The following ATP6V0E1 variants were observed in gnomAD, a reference collection of about 807,000 sequenced individuals.
ATP6V0E1 encodes ATPase H+ transporting V0 subunit e1.
Under a neutral mutation model 11.6 loss-of-function variants are expected in ATP6V0E1, and 4 were observed. The ratio of observed to expected loss-of-function variants is 0.35; its 90% confidence interval spans 0.17 to 0.79. The LOEUF is 0.79. Ranked by LOEUF, ATP6V0E1 falls within the 30% of genes least tolerant of loss-of-function variation. The pLI is 0.54. For missense variants in ATP6V0E1, 105 were observed against 100.0 expected (o/e 1.05, Z -0.21); for synonymous variants, 36 against 34.8 (o/e 1.04, Z -0.13).
chr5:172,992,090 G>A (rs895363823), intron 1 of ATP6V0E1, among the ~76,000 whole-genome samples: 1 of 148,794 alleles, frequency 6.7e-6, no homozygotes, highest in Non-Finnish European at 1.5e-5. Flanking sequence ...TCGCTCTGTC[G>A]CCCAGGCTGG....
At chr5:172,986,977 G>GTGTCACTTAACAAAA (rs1755906990) in intron 1 of ATP6V0E1, 2 of 246,462 alleles carry the variant, frequency 8.1e-6, no homozygotes, top group Admixed American at 5.3e-5. Context: ...TAGTAGAGAC[G>GTGTCACTTAACAAAA]GGATTTCACC....
At chr5:173,020,124 T>A in intron 2 of ATP6V0E1, 114 bp from the exon 3 acceptor site, 1 of 773,176 alleles carries the variant, frequency 1.3e-6, no homozygotes, top group Admixed American at 2.2e-5. Context: ...GAAAGTTTGG[T>A]GTGAATGCAG....
At chr5:172,999,592 G>A (rs1756121696) in intron 2 of ATP6V0E1, among the ~76,000 whole-genome samples, 1 of 152,226 alleles carries the variant, frequency 6.6e-6, no homozygotes, top group South Asian at 2.1e-4. Flanking sequence ...CTTCCAAAGT[G>A]CTAGGATTAC....
chr5:173,022,830 A>G, intron 3 of ATP6V0E1, among the ~76,000 whole-genome samples: 1 of 151,434 alleles, frequency 6.6e-6, no homozygotes, highest in African/African-American at 2.4e-5. Context: ...ACAAGGTCTT[A>G]CTATGTGGTC....
chr5:173,033,869 C>CA (rs887280474), intron 3 of ATP6V0E1, among the ~76,000 whole-genome samples: 15 of 150,382 alleles, frequency 1.0e-4, no homozygotes, highest in Admixed American at 2.0e-4. Context: ...TAAAACAAAA[C>CA]AAAAAAAAAG....
At chr5:173,016,540 G>C (rs1756401803) in intron 2 of ATP6V0E1, among the ~76,000 whole-genome samples, 1 of 152,190 alleles carries the variant, frequency 6.6e-6, no homozygotes, top group South Asian at 2.1e-4. Context: ...TTTTCATTCT[G>C]TGCTATATTC....
chr5:173,016,359 C>G (rs769186009), intron 2 of ATP6V0E1, among the ~76,000 whole-genome samples: 1 of 152,216 alleles, frequency 6.6e-6, no homozygotes, highest in Non-Finnish European at 1.5e-5. Flanking sequence ...CTGTAGAAGT[C>G]TCTTCTGTGT....
intron 3 of ATP6V0E1, among the ~76,000 whole-genome samples, chr5:173,024,784 A>G (rs1018553143): frequency 2.0e-5 from 3 of 151,634 alleles, no homozygotes; most frequent in Admixed American, 6.6e-5. Flanking sequence ...AGTTTACATT[A>G]GTATTTTCTC....
chr5:173,018,050 GAAT>G (rs1474875985), intron 2 of ATP6V0E1, among the ~76,000 whole-genome samples: 1 of 151,944 alleles, frequency 6.6e-6, no homozygotes, highest in African/African-American at 2.4e-5. Flanking sequence ...GTTGACCTTT[GAAT>G]AACGTGGAAG....
At chr5:172,987,531 G>C (rs1057474028) in intron 1 of ATP6V0E1, among the ~76,000 whole-genome samples, 1 of 151,502 alleles carries the variant, frequency 6.6e-6, no homozygotes, top group Non-Finnish European at 1.5e-5. Flanking sequence ...TGATCCGTCC[G>C]CCTCGGCCTC....
At chr5:173,022,304 C>T (rs1299050248) in intron 3 of ATP6V0E1, among the ~76,000 whole-genome samples, 2 of 152,150 alleles carry the variant, frequency 1.3e-5, no homozygotes, top group Non-Finnish European at 2.9e-5. Flanking sequence ...GGCTCTGGCT[C>T]TCCTATGTTT....
chr5:173,032,217 A>G (rs1402682947), intron 3 of ATP6V0E1, among the ~76,000 whole-genome samples: 1 of 139,080 alleles, frequency 7.2e-6, no homozygotes, highest in African/African-American at 2.7e-5. Flanking sequence ...TGCCTTTGCC[A>G]TGTAACATAA....
chr5:172,993,145 C>A (rs1756010953), intron 1 of ATP6V0E1, among the ~76,000 whole-genome samples: 1 of 152,182 alleles, frequency 6.6e-6, no homozygotes, highest in Admixed American at 6.5e-5. Flanking sequence ...TCTCCTCAGA[C>A]CCTAATACAT....
intron 2 of ATP6V0E1, among the ~76,000 whole-genome samples, chr5:173,019,558 A>C (rs1037310492): frequency 1.3e-4 from 20 of 152,140 alleles, no homozygotes; most frequent in Non-Finnish European, 2.6e-4. Flanking sequence ...CATCTCAAAA[A>C]AAAAAAAACC....
In ATP6V0E1 at chr5:172,985,130, A is replaced by C. The variant is rs978171832; in HGVS notation, c.104+1166A>C. ...CGTGGTGGCGGGCGCCTGTAATCCC[A>C]GCTACTCGGGAGGCTGAGGCAGGAG... On this transcript the variant is annotated intron_variant, in intron 1 of 3. Transcript: ENST00000519374. Among the ~76,000 whole-genome samples the C allele has an allele frequency of 3.3e-5, 5 of 151,946 alleles. No individual in the cohort carries two copies. The South Asian group carries it at 1.0e-3, about 32-fold the overall frequency.
chr5:173,021,319 G>A (rs1756480767), intron 3 of ATP6V0E1, among the ~76,000 whole-genome samples: 2 of 150,768 alleles, frequency 1.3e-5, no homozygotes, highest in South Asian at 4.1e-4. Context: ...TAAAGAAAGA[G>A]AGGTTTAATG....
At chr5:173,030,768 A>G (rs893639412) in intron 3 of ATP6V0E1, among the ~76,000 whole-genome samples, 5 of 149,830 alleles carry the variant, frequency 3.3e-5, no homozygotes, top group African/African-American at 1.3e-4. Context: ...TGTTTGTTTG[A>G]GATGGAATCT....
chr5:173,034,240 C>T (rs4868237), intron 3 of ATP6V0E1, among the ~76,000 whole-genome samples, 159 bp from the exon 4 acceptor site: 24,316 of 152,190 alleles, frequency 0.16, 3,562 homozygotes, highest in East Asian at 0.72. Flanking sequence ...CCCTGCAAAA[C>T]CTGGCCAAAC....
rs576243894 is a variant in ATP6V0E1 at position 173,008,892 on chromosome 5, C to T, written c.153-11346C>T. On this transcript the variant is annotated intron_variant, in intron 2 of 3. Transcript: ENST00000519374. ...GGCCACTGCACTCCAGCCTGGGTGA[C>T]AGAGCAAGACTCTGTCTCAAAAAAA... is the stretch of plus-strand genomic sequence containing the variant. Among the ~76,000 whole-genome samples the T allele has an allele frequency of 2.8e-3, 327 of 116,680 alleles. 5 individuals carry two copies. The highest frequency in any genetic ancestry group is 9.8e-3 in the African/African-American group (284 of 28,960). 76.5% of individuals were successfully genotyped at this position (116,680 alleles called of 152,430 possible).
Sources: allele counts gnomAD v4.1 joint callset (sites outside exome capture counted in the v4.1 genomes callset), GRCh38; gene constraint gnomAD v4.1.1; transcripts MANE v1.5; gene names NCBI Gene and HGNC (gene_info 2026-07-23, HGNC 2026-07-21).